TRHDE: variants seen among roughly 807,000 people sequenced by gnomAD.
TRHDE encodes the protein thyrotropin releasing hormone degrading enzyme, also known as thyrotropin-releasing hormone-degrading ectoenzyme.
Under a neutral mutation model 125.7 loss-of-function variants are expected in TRHDE, and 72 were observed. That is an observed-to-expected ratio of 0.57 (90% CI 0.47 to 0.70). The LOEUF (loss-of-function observed/expected upper bound fraction) is 0.70, where lower values mean the gene tolerates loss of function less well. TRHDE is among the 30% of genes least tolerant of loss of function. The pLI is 0.00. For synonymous variants in TRHDE, 509 were observed against 509.1 expected (o/e 1.00, Z 0.00); for missense variants, 1,110 against 1,327.1 (o/e 0.84, Z 2.54).
chr12:72,605,144 C>G (rs923259602), intron 12 of TRHDE, among the ~76,000 whole-genome samples: 1 of 151,954 alleles, frequency 6.6e-6, no homozygotes, highest in Non-Finnish European at 1.5e-5. Flanking sequence ...CCTATAATAC[C>G]TCTGTCCCTG....
chr12:72,541,383 C>T (rs899663173), intron 6 of TRHDE, among the ~76,000 whole-genome samples: 2 of 151,522 alleles, frequency 1.3e-5, no homozygotes, highest in African/African-American at 4.8e-5. Flanking sequence ...ATATTGATTA[C>T]GTACCTACCT....
At chr12:72,219,227 T>A (rs1877956184) in intron 2 of TRHDE, among the ~76,000 whole-genome samples, 1 of 152,216 alleles carries the variant, frequency 6.6e-6, no homozygotes, top group East Asian at 1.9e-4. Context: ...CTAAACTGAT[T>A]TATCTATCAA....
At chr12:72,271,393 C>A (rs1293009231), upstream of TRHDE, among the ~76,000 whole-genome samples, 1 of 152,040 alleles carries the variant, frequency 6.6e-6, no homozygotes, top group African/African-American at 2.4e-5. Flanking sequence ...ATGTTAATAG[C>A]CAAAGGCTCC....
intron 7 of TRHDE, among the ~76,000 whole-genome samples, chr12:72,549,044 C>A (rs879936909): frequency 5.9e-5 from 9 of 151,802 alleles, no homozygotes; most frequent in South Asian, 2.1e-4. Flanking sequence ...AGGTAACCTA[C>A]AACAAGATGT....
At chr12:72,518,879 G>T (rs1045340512) in intron 6 of TRHDE, among the ~76,000 whole-genome samples, 1 of 152,014 alleles carries the variant, frequency 6.6e-6, no homozygotes, top group South Asian at 2.1e-4. Flanking sequence ...TGTCTGTAAA[G>T]TATTTTATTT....
chr12:72,638,476 T>A (rs1873870166), intron 15 of TRHDE, among the ~76,000 whole-genome samples: 1 of 150,976 alleles, frequency 6.6e-6, no homozygotes, highest in African/African-American at 2.4e-5. Flanking sequence ...AGTCTGTGTC[T>A]TTTAATTGGA....
intron 2 of TRHDE, among the ~76,000 whole-genome samples, chr12:72,187,446 G>GGGTGGT (rs971743256): frequency 2.0e-5 from 3 of 148,650 alleles, no homozygotes; most frequent in African/African-American, 5.0e-5. Context: ...GAGGTGGGGG[G>GGGTGGT]GGTGGTGGTG....
intron 3 of TRHDE, among the ~76,000 whole-genome samples, chr12:72,392,029 A>ATC (rs748839279): frequency 3.7e-4 from 56 of 151,970 alleles, no homozygotes; most frequent in South Asian, 1.5e-3. Context: ...AGGAAGAGAG[A>ATC]TCTCTCTCTC....
chr12:72,483,183 G>A (rs183538959), intron 5 of TRHDE, among the ~76,000 whole-genome samples: 103 of 151,630 alleles, frequency 6.8e-4, no homozygotes, highest in African/African-American at 2.1e-3. Flanking sequence ...ACTCAAATAA[G>A]TATGGAACAT....
At chr12:72,639,757 G>A (rs538167068) in intron 15 of TRHDE, among the ~76,000 whole-genome samples, 8 of 152,070 alleles carry the variant, frequency 5.3e-5, no homozygotes, top group East Asian at 1.9e-4. Context: ...TGGAGTACCC[G>A]GCCGTGTGAG....
chr12:72,640,228 C>T (rs1048919679), intron 15 of TRHDE, among the ~76,000 whole-genome samples: 37 of 152,328 alleles, frequency 2.4e-4, no homozygotes, highest in South Asian at 6.2e-4. Flanking sequence ...TTAAGCCCGT[C>T]GGAAAAGCAC....
At chr12:72,345,958 C>T (rs1870310397) in intron 2 of TRHDE, among the ~76,000 whole-genome samples, 1 of 151,976 alleles carries the variant, frequency 6.6e-6, no homozygotes. Context: ...TTTGATATGA[C>T]ATCAGTTTTA....
At chr12:72,524,805 A>G (rs1868304885) in intron 6 of TRHDE, among the ~76,000 whole-genome samples, 1 of 152,158 alleles carries the variant, frequency 6.6e-6, no homozygotes, top group African/African-American at 2.4e-5. Flanking sequence ...TGCTAAATAA[A>G]GCTTCTACTA....
In TRHDE at chr12:72,562,220, C is replaced by T. The variant is rs1870212142; in HGVS notation, c.1844C>T (p.Thr615Ile). The T allele has an allele frequency of 6.5e-7, 1 of 1,547,358 alleles. No homozygotes were observed. Among genetic ancestry groups the T allele is most frequent in the Middle Eastern group, 1.7e-4 (1 of 5,736 alleles). Residue 615 changes from threonine (T) to isoleucine (I), a missense_variant, in exon 8 of 19, where the codon ACA becomes ATA. Transcript: ENST00000261180. ...GCAGCCAGAAATGATCTCTGGAATA[C>T]ATTATCGGAGGTAAAGTATAGGAAG... ...GNAARNDLWN[T>I]LSEALKRNGK...
chr12:72,663,090 T>C lies in TRHDE; in HGVS notation c.3105T>C (p.Ala1035=). Residue 1035 remains alanine (A), a synonymous_variant, in exon 19 of 19, where the codon GCT becomes GCC. Coordinates refer to ENST00000261180, the MANE Select transcript of TRHDE (RefSeq NM_013381.3). ...NFMKNYDGVA[A]ASFSRAVETV... is the part of the protein sequence containing the mutation. ...TGAAAAACTATGATGGGGTAGCTGCTGCTTCTTTCTCACGAGCTGTGGAAA... is the reference window on the plus strand; with the variant it reads ...TGAAAAACTATGATGGGGTAGCTGCCGCTTCTTTCTCACGAGCTGTGGAAA... The C allele has an allele frequency of 1.2e-6, 2 of 1,613,024 alleles. No homozygotes were observed. Among genetic ancestry groups the C allele is most frequent in the Non-Finnish European group, 1.7e-6 (2 of 1,179,398 alleles).
chr12:72,408,882 G>A (rs1296327125), intron 3 of TRHDE, among the ~76,000 whole-genome samples: 1 of 152,122 alleles, frequency 6.6e-6, no homozygotes, highest in Admixed American at 6.5e-5. Context: ...GCCATGGAGG[G>A]CAGAAAGAGA....
rs527766032 is a variant in TRHDE at position 72,577,925 on chromosome 12, A to C, written c.2321+2383A>C. ...TAATTTGTTTTATTGCTCAAGAGAT[A>C]ATTTTTCTATTACAGTAAGAGTAAA... On this transcript the variant is annotated intron_variant, in intron 12 of 18. Transcript: ENST00000261180. Among the ~76,000 whole-genome samples the C allele has an allele frequency of 2.0e-5, 3 of 152,268 alleles. No homozygotes were observed. In the East Asian group the frequency reaches 5.8e-4, roughly 29 times the overall value.
chr12:72,642,387 ACTT>A (rs1216387074), intron 15 of TRHDE, among the ~76,000 whole-genome samples: 2 of 152,210 alleles, frequency 1.3e-5, no homozygotes, highest in Non-Finnish European at 2.9e-5. Context: ...GATACACTGA[ACTT>A]CTATGCTTTC....
chr12:72,555,855 C>T (rs908495940), intron 7 of TRHDE, among the ~76,000 whole-genome samples: 17 of 152,148 alleles, frequency 1.1e-4, no homozygotes, highest in Non-Finnish European at 2.1e-4. Context: ...TCATCTTACT[C>T]TAATAATGCA....
Sources: allele counts gnomAD v4.1 joint callset (sites outside exome capture counted in the v4.1 genomes callset), GRCh38; gene constraint gnomAD v4.1.1; transcripts MANE v1.5; gene names NCBI Gene and HGNC (gene_info 2026-07-23, HGNC 2026-07-21).